The following TMEM181 variants were observed in gnomAD, a reference collection of about 807,000 sequenced individuals.
TMEM181 encodes transmembrane protein 181.
In TMEM181, 39 loss-of-function variants were observed where a neutral mutation model predicts 71.9. That is an observed-to-expected ratio of 0.54 (90% CI 0.42 to 0.71). The LOEUF (loss-of-function observed/expected upper bound fraction) is 0.71. Among genes scored for constraint, TMEM181 ranks in the 30% least tolerant of loss-of-function variants. The pLI is 0.00. For missense variants in TMEM181, 595 were observed against 583.0 expected (o/e 1.02, Z -0.21); for synonymous variants, 245 against 228.8 (o/e 1.07, Z -0.64).
At chr6:158,560,951 A>G (rs1244877758) in intron 1 of TMEM181, among the ~76,000 whole-genome samples, 1 of 151,968 alleles carries the variant, frequency 6.6e-6, no homozygotes, top group Non-Finnish European at 1.5e-5. Context: ...GCGCATCTGG[A>G]AAAGAAGGAG....
chr6:158,556,718 C>T (rs1456923572), upstream of TMEM181, among the ~76,000 whole-genome samples: 2 of 152,048 alleles, frequency 1.3e-5, no homozygotes, highest in African/African-American at 4.8e-5. Flanking sequence ...CATTTATGCA[C>T]GAGAATCCTC....
chr6:158,623,528 T>G, intron 10 of TMEM181, 22 bp from the exon 11 acceptor site: 1 of 1,448,352 alleles, frequency 6.9e-7, no homozygotes, highest in Non-Finnish European at 9.4e-7. Flanking sequence ...AATCTATAAT[T>G]ATTTATAATG....
chr6:158,564,593 T>G (rs1257980582), intron 1 of TMEM181, among the ~76,000 whole-genome samples: 1 of 152,246 alleles, frequency 6.6e-6, no homozygotes, highest in African/African-American at 2.4e-5. Flanking sequence ...TCGTTTCTAA[T>G]AGCTAGCCTG....
At chr6:158,607,534 G>C (rs1001893765) in intron 8 of TMEM181, among the ~76,000 whole-genome samples, 191 bp downstream of exon 8, 5 of 152,162 alleles carry the variant, frequency 3.3e-5, no homozygotes, top group African/African-American at 9.7e-5. Context: ...GCTGGGCATG[G>C]TGGTGCGTGC....
chr6:158,602,558 GT>G (rs1200236683), intron 6 of TMEM181, among the ~76,000 whole-genome samples: 1 of 151,792 alleles, frequency 6.6e-6, no homozygotes, highest in African/African-American at 2.4e-5. Flanking sequence ...AATTTTGGCT[GT>G]TCTAATCGGT....
At chr6:158,566,775 G>A (rs991895334) in intron 1 of TMEM181, among the ~76,000 whole-genome samples, 1 of 152,126 alleles carries the variant, frequency 6.6e-6, no homozygotes, top group African/African-American at 2.4e-5. Flanking sequence ...GTGATGATGA[G>A]GCTGTGGAGA....
At chr6:158,582,621 C>T (rs1039990405) in intron 3 of TMEM181, among the ~76,000 whole-genome samples, 2 of 151,792 alleles carry the variant, frequency 1.3e-5, no homozygotes, top group African/African-American at 4.8e-5. Flanking sequence ...GCCATGATTG[C>T]ACCACTACAC....
chr6:158,625,148 G>A lies in TMEM181; in HGVS notation c.999G>A (p.Leu333=), dbSNP rs373726849. 9.3e-6 allele frequency: 15 copies of A among 1,614,168 alleles called. No homozygotes were observed. The African/African-American group carries it at 1.2e-4, about 13-fold the overall frequency. The change falls in exon 12 of 17, where the codon CTG becomes CTA. Residue 333 remains leucine (L), a synonymous_variant. Transcript: ENST00000684151. ...TGGTGGTGGCAGCGGTGTACATTCT[G>A]TACCTCTTGTTCTTGATAGTGCGGG... ...FFMVVAAVYI[L]YLLFLIVRAC...
chr6:158,621,784 G>T (rs530430036), intron 10 of TMEM181: 7 of 152,436 alleles, frequency 4.6e-5, no homozygotes, highest in African/African-American at 1.7e-4. Context: ...AGATCACCAA[G>T]CGCTTCTGTC....
At chr6:158,538,937 T>A (rs1182780807) in intron 1 of TMEM181, among the ~76,000 whole-genome samples, 1 of 152,184 alleles carries the variant, frequency 6.6e-6, no homozygotes, top group Non-Finnish European at 1.5e-5. Flanking sequence ...TGGAGCACTG[T>A]GGTCAGAGAG....
At chr6:158,570,212 A>T (rs958943254) in intron 1 of TMEM181, among the ~76,000 whole-genome samples, 1 of 150,976 alleles carries the variant, frequency 6.6e-6, no homozygotes, top group Non-Finnish European at 1.5e-5. Flanking sequence ...AGGGCCAGAG[A>T]TAGCAGAGTG....
chr6:158,572,347 C>T, intron 1 of TMEM181: 2 of 454,730 alleles, frequency 4.4e-6, no homozygotes, highest in South Asian at 3.1e-5. Flanking sequence ...GTGCGGCTGC[C>T]TGTCCCTGAG....
chr6:158,629,715 C>G lies in TMEM181; in HGVS notation c.1193-15C>G. On this transcript the variant is annotated splice_polypyrimidine_tract_variant and intron_variant, in intron 14 of 16. Transcript: ENST00000684151. ...ATGTGTCCAGATGCCGCGTTCCTTC[C>G]CTTGACAGCACCACCAGCCGAGTTC... 6.3e-7 allele frequency: 1 copy of G among 1,596,524 alleles called. No homozygotes were observed. Among genetic ancestry groups the G allele is most frequent in the Non-Finnish European group, 8.5e-7 (1 of 1,170,330 alleles).
chr6:158,613,528 TGGCCTGTCAAA>T (rs967070309), intron 10 of TMEM181, among the ~76,000 whole-genome samples: 3 of 86,258 alleles, frequency 3.5e-5, no homozygotes, highest in African/African-American at 1.9e-4. Context: ...TTGGGGTTCC[TGGCCTGTCAAA>T]GTGACATGCT....
intron 1 of TMEM181, among the ~76,000 whole-genome samples, chr6:158,560,542 G>T (rs1306314906): frequency 6.6e-6 from 1 of 152,136 alleles, no homozygotes; most frequent in Non-Finnish European, 1.5e-5. Flanking sequence ...AGAGAACCGG[G>T]GGCGCTGCGG....
chr6:158,581,753 CAAAAAA>C (rs10626721), intron 3 of TMEM181, among the ~76,000 whole-genome samples: 2 of 62,162 alleles, frequency 3.2e-5, no homozygotes, highest in Non-Finnish European at 5.6e-5. Flanking sequence ...GACTCTGTCT[CAAAAAA>C]AAAAAAAAAA....
chr6:158,628,847 T>A (rs1204616740), intron 14 of TMEM181, among the ~76,000 whole-genome samples: 1 of 152,204 alleles, frequency 6.6e-6, no homozygotes, highest in Non-Finnish European at 1.5e-5. Context: ...CGGTTGCCTC[T>A]CCACACCGCG....
At chr6:158,598,500 T>G (rs1457724801) in intron 6 of TMEM181, among the ~76,000 whole-genome samples, 1 of 152,032 alleles carries the variant, frequency 6.6e-6, no homozygotes, top group South Asian at 2.1e-4. Flanking sequence ...CTTTCCTGAG[T>G]GTCTCCCAGC....
chr6:158,541,138 G>C (rs9457399), intron 1 of TMEM181, among the ~76,000 whole-genome samples: 4 of 151,966 alleles, frequency 2.6e-5, no homozygotes, highest in Admixed American at 2.6e-4. Flanking sequence ...GGAGCAGGCC[G>C]GGTGTGGTGG....
Sources: allele counts gnomAD v4.1 joint callset (sites outside exome capture counted in the v4.1 genomes callset), GRCh38; gene constraint gnomAD v4.1.1; transcripts MANE v1.5; gene names NCBI Gene and HGNC (gene_info 2026-07-23, HGNC 2026-07-21).